PHLDB1: variants seen among roughly 807,000 people sequenced by gnomAD.
The protein encoded by PHLDB1 is pleckstrin homology like domain family B member 1.
PHLDB1 carries 65 observed loss-of-function variants against 139.3 expected under a neutral mutation model. The ratio of observed to expected loss-of-function variants is 0.47; its 90% CI spans 0.38 to 0.57. The LOEUF (loss-of-function observed/expected upper bound fraction) is 0.57, where lower values mean the gene tolerates loss of function less well. Among genes scored for constraint, PHLDB1 ranks in the 20% least tolerant of loss-of-function variants. PHLDB1 has a pLI of 0.00. For synonymous variants in PHLDB1, 679 were observed against 734.5 expected (o/e 0.92, Z 1.22); for missense variants, 1,624 against 1,839.7 (o/e 0.88, Z 2.14).
At chr11:118,644,741 C>G (rs1555125399) in intron 15 of PHLDB1, 1 of 1,209,894 alleles carries the variant, frequency 8.3e-7, no homozygotes, top group African/African-American at 1.6e-5. Context: ...AGCCCCTGCC[C>G]TGGCATCAGC....
At chr11:118,624,909 C>T (rs370543940) in intron 4 of PHLDB1, 25 bp from the exon 5 acceptor site, 18 of 1,613,258 alleles carry the variant, frequency 1.1e-5, no homozygotes, top group Non-Finnish European at 1.4e-5. Flanking sequence ...CACACCTGGT[C>T]TTCAAGTGTT....
chr11:118,635,612 A>G (rs1205107928), intron 10 of PHLDB1, 64 bp downstream of exon 10: 73 of 1,367,730 alleles, frequency 5.3e-5, no homozygotes, highest in Non-Finnish European at 5.8e-5. Flanking sequence ...TTGAATCCCA[A>G]TGACCTCACA....
chr11:118,634,908 C>T (rs1723123998), intron 9 of PHLDB1: 1 of 439,530 alleles, frequency 2.3e-6, no homozygotes, highest in Non-Finnish European at 4.6e-6. Flanking sequence ...TCTCCCTCGC[C>T]CTCCCGCCGA....
At chr11:118,617,650 G>GTCTTTTC (rs1342074150) in intron 4 of PHLDB1, among the ~76,000 whole-genome samples, 13 of 151,500 alleles carry the variant, frequency 8.6e-5, no homozygotes, top group Admixed American at 7.2e-4. Flanking sequence ...TTTGACCCCA[G>GTCTTTTC]TCTTTTCTTC....
Position 118,643,862 on chromosome 11 carries a change from C to T in PHLDB1, c.2940C>T (p.Pro980=), listed in dbSNP as rs1946997618. Residue 980 remains proline (P), a synonymous_variant, in exon 14 of 23, where the codon CCC becomes CCT. Coordinates refer to ENST00000600882, the MANE Select transcript of PHLDB1 (RefSeq NM_001144758.3). ...TSPLPRTRSG[P]LPSSSGSSSS... is the part of the protein sequence containing the mutation. ...CCCTTCCCCGGACCCGCAGCGGCCC[C>T]CTCCCCTCCTCCTCTGGCTCTTCCT... The T allele has an allele frequency of 6.2e-7, 1 of 1,613,454 alleles. No homozygotes were observed. The highest frequency in any genetic ancestry group is 8.5e-7 in the Non-Finnish European group (1 of 1,179,622).
chr11:118,656,944 G>T lies in PHLDB1; in HGVS notation c.*121G>T. 2.3e-6 allele frequency: 2 copies of T among 888,324 alleles called. No individual in the cohort carries two copies. The highest frequency in any genetic ancestry group is 1.7e-6 in the Non-Finnish European group (1 of 590,392). The allele number at this position is 888,324 out of a possible 1,614,324, so 55.0% of individuals were successfully genotyped here. On this transcript the variant is annotated 3_prime_UTR_variant, in exon 23 of 23. Transcript: ENST00000600882. ...TGGCCTCCTGAAGAACCAGCCAGAA[G>T]AAGAAAAGTAGAGGTGGCTTTGCTG...
chr11:118,627,362 C>CCT lies in PHLDB1; in HGVS notation c.542_543dup (p.Ala182LeufsTer10). 1.2e-6 allele frequency: 2 copies of CCT among 1,614,092 alleles called. No homozygotes were observed. Among genetic ancestry groups the CCT allele is most frequent in the Non-Finnish European group, 1.7e-6 (2 of 1,179,934 alleles). ...ACCCCACAGACTGCAACACGGGGAC[C>CCT]CTCTGCCTGTGCCAGCCACAGTTCC... On this transcript the variant is annotated frameshift_variant, in exon 6 of 23. Transcript: ENST00000600882. LOFTEE classifies it high-confidence loss of function.
chr11:118,629,718 T>C (rs1233036369), intron 6 of PHLDB1, among the ~76,000 whole-genome samples: 1 of 152,148 alleles, frequency 6.6e-6, no homozygotes, highest in Non-Finnish European at 1.5e-5. Context: ...CTCTTCACTG[T>C]TTTTGCATTG....
chr11:118,639,460 G>GGAGCCCA (rs1474949193), intron 12 of PHLDB1: 3 of 596,278 alleles, frequency 5.0e-6, no homozygotes, highest in Non-Finnish European at 9.0e-6. Context: ...GGGGTTCCCA[G>GGAGCCCA]GAGCCTACAG....
At position 118,631,964 on chromosome 11, in the gene PHLDB1, G is replaced by A; in HGVS notation, c.2152G>A (p.Glu718Lys). Residue 718 changes from glutamate (E) to lysine (K), a missense_variant, in exon 8 of 23, where the codon GAA becomes AAA. Transcript: ENST00000600882. The part of the protein sequence containing the change: ...KLQGEVLALE[E>K]ERAQVLGHVE... ...CCAGGGAGAGGTGCTAGCCCTGGAA[G>A]AAGAGCGGGCTCAGGTGCTGGGGCA... 3 of 1,614,180 alleles carry A rather than the reference G, an allele frequency of 1.9e-6. No individual in the cohort carries two copies. Among genetic ancestry groups the A allele is most frequent in the Non-Finnish European group, 2.5e-6 (3 of 1,180,018 alleles).
At chr11:118,612,164 C>T (rs1940565387) in intron 1 of PHLDB1, among the ~76,000 whole-genome samples, 1 of 149,770 alleles carries the variant, frequency 6.7e-6, no homozygotes, top group Admixed American at 6.7e-5. Context: ...TTCCATTACT[C>T]TAGTTTTATA....
In PHLDB1 at chr11:118,608,423, T is replaced by G. The variant is rs1487316919; in HGVS notation, c.-22+724T>G. 6.6e-6 allele frequency among the ~76,000 whole-genome samples: 1 copy of G among 151,980 alleles called. No homozygotes were observed. The highest frequency in any genetic ancestry group is 1.5e-5 in the Non-Finnish European group (1 of 67,924). ...CCAAGTCATCCGGGCTCCCCCGGGA[T>G]AGGGAAGTGCGGGCGGGCGGCTGGG... On this transcript the variant is annotated intron_variant, in intron 1 of 22. Transcript: ENST00000600882. This position sits in a 1 kb window ranked among gnomAD's most constrained non-coding sequence, Gnocchi z 6.7.
At chr11:118,635,142 G>C (rs1945432318) in intron 9 of PHLDB1, 1 of 577,312 alleles carries the variant, frequency 1.7e-6, no homozygotes, top group South Asian at 2.0e-5. Context: ...CCTGGCCTCT[G>C]CAGTACCTGC....
chr11:118,611,405 T>C lies in PHLDB1; in HGVS notation c.-21-2411T>C, dbSNP rs1940278217. On this transcript the variant is annotated intron_variant, in intron 1 of 22. Transcript: ENST00000600882. This position sits in a 1 kb window ranked among gnomAD's most constrained non-coding sequence, Gnocchi z 4.7. ...TCTTGTTCTCCATCGGCCTTACTCC[T>C]TTACAATCTTTATCTCCACTTGAAG... Among the ~76,000 whole-genome samples the C allele has an allele frequency of 6.6e-6, 1 of 152,208 alleles. No homozygotes were observed. The highest frequency in any genetic ancestry group is 2.4e-5 in the African/African-American group (1 of 41,454).
At position 118,635,988 on chromosome 11, in the gene PHLDB1, A is replaced by G. The variant is rs372290249; in HGVS notation, c.2535+440A>G. On this transcript the variant is annotated intron_variant, in intron 10 of 22. Coordinates refer to ENST00000600882, the MANE Select transcript of PHLDB1 (RefSeq NM_001144758.3). Reference sequence around the variant, plus strand: ...AAGGGCATTCATTTCGGTTCCAGCCATGGCTCAGCCCTGCCTTGGCTGAGC... The same window carrying G: ...AAGGGCATTCATTTCGGTTCCAGCCGTGGCTCAGCCCTGCCTTGGCTGAGC... Among the ~76,000 whole-genome samples the G allele has an allele frequency of 8.5e-5, 13 of 152,336 alleles. 1 individual carries two copies. Among genetic ancestry groups the G allele is most frequent in the African/African-American group, 3.1e-4 (13 of 41,576 alleles).
chr11:118,642,217 T>A (rs782535223), intron 12 of PHLDB1, 37 bp from the exon 13 acceptor site: 1 of 1,594,732 alleles, frequency 6.3e-7, no homozygotes, highest in Middle Eastern at 1.7e-4. Flanking sequence ...CATCCTCCCC[T>A]CCTGTCCCCT....
rs781788777 is a variant in PHLDB1 at position 118,639,275 on chromosome 11, G to A, written c.2736+24G>A. The A allele has an allele frequency of 1.9e-6, 3 of 1,578,366 alleles. No individual in the cohort carries two copies. In the Admixed American group the frequency reaches 5.0e-5, roughly 26 times the overall value. On this transcript the variant is annotated intron_variant, in intron 12 of 22. Coordinates refer to ENST00000600882, the MANE Select transcript of PHLDB1 (RefSeq NM_001144758.3). The stretch of plus-strand genomic sequence containing the variant: ...AGGTATCATGATTGGATTAGCCCCA[G>A]CTTCAGGCCCAAGGCGTGTCCTGGG...
At chr11:118,607,475 A>G (rs1555079912), upstream of PHLDB1, 1 of 125,828 alleles carries the variant, frequency 7.9e-6, no homozygotes, top group South Asian at 2.4e-4. Flanking sequence ...GGGTGGGGGG[A>G]CCTTGGGCTC....
chr11:118,655,481 C>T (rs1281456768), intron 20 of PHLDB1, 124 bp from the exon 21 acceptor site: 1 of 679,432 alleles, frequency 1.5e-6, no homozygotes, highest in Non-Finnish European at 2.7e-6. Context: ...GTTTGGGGGT[C>T]TTGGGAGACT....
Sources: gnomAD v4.1 joint callset for allele counts (sites outside exome capture counted in the v4.1 genomes callset) on GRCh38, gnomAD v4.1.1 for gene constraint, Gnocchi (gnomAD v3.1) non-coding constraint, MANE v1.5 for transcripts, NCBI Gene and HGNC (gene_info 2026-07-23, HGNC 2026-07-21) for gene names.